Variants in CDK14 observed in about 807,000 individuals in gnomAD.
CDK14 encodes cyclin-dependent kinase 14.
Under a neutral mutation model 60.7 loss-of-function variants are expected in CDK14, and 34 were observed. That is an observed-to-expected ratio of 0.56 (90% CI 0.43 to 0.75). The LOEUF (loss-of-function observed/expected upper bound fraction) is 0.75, where lower values mean the gene tolerates loss of function less well. Among genes scored for constraint, CDK14 ranks in the 30% least tolerant of loss-of-function variants. The probability of loss-of-function intolerance (pLI) is 0.00; values close to 1 mark genes in which losing one functional copy is unlikely to be tolerated. For synonymous variants in CDK14, 197 were observed against 203.7 expected, an observed-to-expected ratio of 0.97 and a Z score of 0.28; for missense variants, 482 against 564.1, an observed-to-expected ratio of 0.85 and a Z score of 1.47.
chr7:90,738,832 G>T (rs1353578894), intron 3 of CDK14, among the ~76,000 whole-genome samples: 1 of 151,040 alleles, frequency 6.6e-6, no homozygotes, highest in Non-Finnish European at 1.5e-5. Context: ...TAATAAAGTT[G>T]CAAGGAAAAA....
rs1799158234 is a variant in CDK14, at chr7:91,101,998, C to G, written c.1155-10544C>G. On this transcript the variant is annotated intron_variant, in intron 12 of 14. Transcript: ENST00000380050. ...TAGACAAGAAGACTGCTGCATCTGA[C>G]AGTTCTGTTCAGTAGTTAAGGAAAA... 2.6e-5 allele frequency among the ~76,000 whole-genome samples: 4 copies of G among 152,178 alleles called. No homozygotes were observed. The South Asian group carries it at 8.3e-4, about 31-fold the overall frequency.
In CDK14 at chr7:90,635,564, T is replaced by G. The variant is rs367574311; in HGVS notation, c.123+31315T>G. On this transcript the variant is annotated intron_variant, in intron 2 of 14. Coordinates refer to ENST00000380050, the MANE Select transcript of CDK14 (RefSeq NM_001287135.2). ...TTGTAGTATAGTTTGAAGTCAGGTA[T>G]TGTGATGCCTCCAGCTTTGTTCTTT... is the stretch of plus-strand genomic sequence containing the variant. 3.4e-3 allele frequency among the ~76,000 whole-genome samples: 511 copies of G among 152,230 alleles called. 3 individuals are homozygous for G. Among genetic ancestry groups the G allele is most frequent in the African/African-American group, 0.012 (482 of 41,536 alleles).
At chr7:90,751,571 T>G (rs1044187000) in intron 4 of CDK14, among the ~76,000 whole-genome samples, 1 of 152,090 alleles carries the variant, frequency 6.6e-6, no homozygotes, top group Non-Finnish European at 1.5e-5. Context: ...AAAACACACA[T>G]AAGTACATGG....
intron 4 of CDK14, among the ~76,000 whole-genome samples, chr7:90,752,102 A>G (rs1043998274): frequency 1.3e-5 from 2 of 152,192 alleles, no homozygotes; most frequent in Admixed American, 6.5e-5. Flanking sequence ...CACTGACAGC[A>G]TTAGACAGAT....
intron 10 of CDK14, among the ~76,000 whole-genome samples, chr7:91,022,020 C>T (rs1420719486): frequency 1.3e-5 from 2 of 152,176 alleles, no homozygotes; most frequent in Non-Finnish European, 2.9e-5. Context: ...GGGGGCCTGA[C>T]AGTCATCTCT....
chr7:90,914,027 T>C (rs899705519), intron 7 of CDK14, among the ~76,000 whole-genome samples: 2 of 152,170 alleles, frequency 1.3e-5, no homozygotes, highest in Non-Finnish European at 2.9e-5. Flanking sequence ...AGGTTGATCG[T>C]CCCCTTGCCA....
At chr7:90,705,712 G>A (rs1000208893) in intron 2 of CDK14, among the ~76,000 whole-genome samples, 1 of 150,210 alleles carries the variant, frequency 6.7e-6, no homozygotes, top group Non-Finnish European at 1.5e-5. Context: ...AGGAGAGTGT[G>A]GTGATATTAG....
chr7:90,916,551 G>A (rs1329490647), intron 7 of CDK14, among the ~76,000 whole-genome samples: 1 of 152,162 alleles, frequency 6.6e-6, no homozygotes, highest in African/African-American at 2.4e-5. Flanking sequence ...TCAGGAAGTT[G>A]CCAATCTTTT....
At chr7:90,659,847 CT>C (rs1800827940) in intron 2 of CDK14, among the ~76,000 whole-genome samples, 5 of 143,876 alleles carry the variant, frequency 3.5e-5, no homozygotes, top group Non-Finnish European at 7.6e-5. Context: ...TTCTCTCTCT[CT>C]CTCTCTCTCT....
chr7:90,736,565 T>C (rs773785534), intron 3 of CDK14, among the ~76,000 whole-genome samples: 6 of 152,018 alleles, frequency 3.9e-5, no homozygotes, highest in Non-Finnish European at 7.4e-5. Context: ...TTAGAGGATG[T>C]AACAATGACT....
At chr7:90,730,314 A>G (rs984693234) in intron 3 of CDK14, among the ~76,000 whole-genome samples, 16 of 152,178 alleles carry the variant, frequency 1.1e-4, no homozygotes, top group African/African-American at 3.4e-4. Flanking sequence ...TGCAGTAAAC[A>G]TACGTGTGCA....
At chr7:90,943,160 A>G (rs1407266160) in intron 8 of CDK14, among the ~76,000 whole-genome samples, 1 of 152,192 alleles carries the variant, frequency 6.6e-6, no homozygotes, top group East Asian at 1.9e-4. Context: ...CTAGTAAGCA[A>G]AGGAAGAATT....
At chr7:91,187,498 A>G (rs1802226333) in intron 14 of CDK14, among the ~76,000 whole-genome samples, 1 of 152,192 alleles carries the variant, frequency 6.6e-6, no homozygotes, top group African/African-American at 2.4e-5. Context: ...AGGAACCAAT[A>G]TTTATGAAGT....
At chr7:90,875,649 TTTG>T in intron 6 of CDK14, among the ~76,000 whole-genome samples, 1 of 152,162 alleles carries the variant, frequency 6.6e-6, no homozygotes, top group African/African-American at 2.4e-5. Flanking sequence ...CTTAAATTAT[TTTG>T]TTACTATTTC....
intron 4 of CDK14, among the ~76,000 whole-genome samples, chr7:90,750,075 A>C (rs1470417447): frequency 6.6e-6 from 1 of 151,806 alleles, no homozygotes; most frequent in Non-Finnish European, 1.5e-5. Flanking sequence ...GGGCTATAGA[A>C]GCAAAGCCAA....
In CDK14 at chr7:91,095,501, C is replaced by G. The variant is rs917992468; in HGVS notation, c.1154+16021C>G. Among the ~76,000 whole-genome samples, 6 of 152,252 alleles carry G rather than the reference C, an allele frequency of 3.9e-5. No individual in the cohort carries two copies. The East Asian group carries it at 1.2e-3, about 29-fold the overall frequency. ...TAGTATTTCTCCCAAGGAAATAGAT[C>G]AACCAAGTAAAAACCGAGTTGCCCC... On this transcript the variant is annotated intron_variant, in intron 12 of 14. Coordinates refer to ENST00000380050, the MANE Select transcript of CDK14 (RefSeq NM_001287135.2).
At position 91,209,847 on chromosome 7, in the gene CDK14, G is replaced by A. The variant is rs565950602; in HGVS notation, c.*2711G>A. On this transcript the variant is annotated 3_prime_UTR_variant, in exon 15 of 15. Coordinates refer to ENST00000380050, the MANE Select transcript of CDK14 (RefSeq NM_001287135.2). The stretch of plus-strand genomic sequence containing the variant: ...GGGTGGCTGTCCATCCACTGATTCT[G>A]GGGTGAGAAGCGATTTCTACCTCGC... The A allele has an allele frequency of 2.6e-5, 4 of 152,616 alleles. No individual in the cohort carries two copies. The highest frequency in any genetic ancestry group is 5.9e-5 in the Non-Finnish European group (4 of 68,040). The allele number at this position is 152,616 out of a possible 1,614,324, so 9.5% of individuals were successfully genotyped here. A position where few individuals can be genotyped will look rare whatever the true frequency, so the allele number is the denominator to read the frequency against.
intron 12 of CDK14, among the ~76,000 whole-genome samples, chr7:91,088,954 AGT>A (rs1027755574): frequency 2.0e-5 from 3 of 151,900 alleles, no homozygotes; most frequent in African/African-American, 7.3e-5. Context: ...TGTGTGTGTG[AGT>A]GTGTGTTTAT....
chr7:90,784,534 G>A (rs1403504840), intron 4 of CDK14, among the ~76,000 whole-genome samples: 2 of 152,112 alleles, frequency 1.3e-5, no homozygotes, highest in African/African-American at 4.8e-5. Flanking sequence ...CTGTAAATAT[G>A]TACAACTATT....
Sources: allele counts gnomAD v4.1 joint callset (sites outside exome capture counted in the v4.1 genomes callset), GRCh38; gene constraint gnomAD v4.1.1; transcripts MANE v1.5; gene names NCBI Gene and HGNC (gene_info 2026-07-23, HGNC 2026-07-21).